ATRNL1: variants seen among roughly 807,000 people sequenced by gnomAD.
The protein encoded by ATRNL1 is attractin-like protein 1.
A neutral mutation model predicts 182.7 loss-of-function variants in ATRNL1; 95 were observed. The observed-to-expected ratio is 0.52, with a 90% CI of 0.44 to 0.62. The LOEUF (loss-of-function observed/expected upper bound fraction) is 0.62, where lower values mean the gene tolerates loss of function less well. ATRNL1 is among the 20% of genes least tolerant of loss of function. ATRNL1 has a pLI of 0.00. For missense variants in ATRNL1, 1,471 were observed against 1,679.5 expected (o/e 0.88, Z 2.17); for synonymous variants, 576 against 568.3 (o/e 1.01, Z -0.19).
intron 26 of ATRNL1, among the ~76,000 whole-genome samples, chr10:115,706,982 T>C (rs1251833407): frequency 6.6e-6 from 1 of 151,902 alleles, no homozygotes; most frequent in East Asian, 1.9e-4. Context: ...TCTTACAAAT[T>C]CTAAATTTAA....
chr10:115,826,087 A>G (rs1201474295), intron 27 of ATRNL1, among the ~76,000 whole-genome samples: 1 of 152,226 alleles, frequency 6.6e-6, no homozygotes, highest in Admixed American at 6.5e-5. Flanking sequence ...ATATACACAT[A>G]TGATAAAAAC....
chr10:115,548,203 C>A (rs576931412), intron 25 of ATRNL1, among the ~76,000 whole-genome samples: 1 of 152,322 alleles, frequency 6.6e-6, no homozygotes, highest in African/African-American at 2.4e-5. Context: ...TGAAGGATTT[C>A]TAAGACTAAA....
At chr10:115,707,215 TTATCG>T (rs1417373001) in intron 26 of ATRNL1, among the ~76,000 whole-genome samples, 9 of 151,954 alleles carry the variant, frequency 5.9e-5, no homozygotes, top group Admixed American at 2.0e-4. Context: ...CATTGCACTC[TTATCG>T]TATCAGTCTA....
chr10:115,210,201 TAATG>T (rs1222113691), intron 8 of ATRNL1, among the ~76,000 whole-genome samples: 4 of 151,988 alleles, frequency 2.6e-5, no homozygotes, highest in Non-Finnish European at 5.9e-5. Flanking sequence ...TTGTAAGAAA[TAATG>T]AAAGTGATTC....
intron 27 of ATRNL1, among the ~76,000 whole-genome samples, chr10:115,746,870 T>A (rs1285827887): frequency 2.0e-5 from 3 of 152,066 alleles, no homozygotes; most frequent in Non-Finnish European, 4.4e-5. Flanking sequence ...CAAACTACAA[T>A]AATTGAGAAA....
In ATRNL1 at chr10:115,487,078, G is replaced by A. The variant is rs111344658; in HGVS notation, c.3654+17749G>A. ...GTGTGGTATTATTTCTGAGTCTTCT[G>A]TTCTGTTCCATTGGTCTATATATCT... On this transcript the variant is annotated intron_variant, in intron 24 of 28. Coordinates refer to ENST00000355044, the MANE Select transcript of ATRNL1 (RefSeq NM_207303.4). Among the ~76,000 whole-genome samples the A allele has an allele frequency of 5.3e-5, 8 of 152,200 alleles. No homozygotes were observed. In the South Asian group the frequency reaches 1.7e-3, roughly 32 times the overall value.
At chr10:115,766,931 A>G (rs1484112665) in intron 27 of ATRNL1, among the ~76,000 whole-genome samples, 2 of 152,148 alleles carry the variant, frequency 1.3e-5, no homozygotes, top group Non-Finnish European at 2.9e-5. Context: ...ATAAACTCTG[A>G]GCTGCAATTT....
At chr10:115,782,722 A>G (rs550166274) in intron 27 of ATRNL1, among the ~76,000 whole-genome samples, 6 of 152,334 alleles carry the variant, frequency 3.9e-5, no homozygotes, top group Admixed American at 1.3e-4. Context: ...CAGATTTTCA[A>G]TCTGTAACTT....
intron 8 of ATRNL1, among the ~76,000 whole-genome samples, chr10:115,195,588 A>C (rs1024219931): frequency 1.3e-5 from 2 of 152,158 alleles, no homozygotes; most frequent in South Asian, 4.1e-4. Context: ...GTAGGTATAT[A>C]CTCAAATAAG....
intron 26 of ATRNL1, among the ~76,000 whole-genome samples, chr10:115,552,798 A>G (rs1554995915): frequency 1.3e-5 from 2 of 151,250 alleles, no homozygotes; most frequent in South Asian, 2.1e-4. Flanking sequence ...ACTAACCCCA[A>G]ACAAATTTCT....
At chr10:115,145,776 C>T (rs1363960518) in intron 5 of ATRNL1, among the ~76,000 whole-genome samples, 1 of 152,118 alleles carries the variant, frequency 6.6e-6, no homozygotes, top group Non-Finnish European at 1.5e-5. Context: ...CTCTTAAAAT[C>T]TTTATTCCCA....
intron 10 of ATRNL1, among the ~76,000 whole-genome samples, chr10:115,253,632 G>T (rs1424257413): frequency 6.6e-6 from 1 of 151,980 alleles, no homozygotes; most frequent in African/African-American, 2.4e-5. Context: ...AAGTTCTAGG[G>T]TACATGCGCA....
intron 25 of ATRNL1, among the ~76,000 whole-genome samples, chr10:115,536,117 G>T (rs1851979335): frequency 6.6e-6 from 1 of 152,032 alleles, no homozygotes; most frequent in South Asian, 2.1e-4. Context: ...CTGCGTGCTG[G>T]GAGAACCACT....
intron 27 of ATRNL1, among the ~76,000 whole-genome samples, chr10:115,821,606 GA>G (rs1378794443): frequency 6.6e-6 from 1 of 151,576 alleles, no homozygotes; most frequent in African/African-American, 2.4e-5. Context: ...TACCAAGTTG[GA>G]AAGCAAAAAA....
intron 19 of ATRNL1, among the ~76,000 whole-genome samples, chr10:115,353,520 C>T (rs1856364343): frequency 6.6e-6 from 1 of 151,928 alleles, no homozygotes; most frequent in Admixed American, 6.6e-5. Context: ...TCCATTCAGC[C>T]ACTCTCTGTC....
chr10:115,772,593 CTGTCTGTGTGTGTG>C (rs1475791745), intron 27 of ATRNL1, among the ~76,000 whole-genome samples: 8 of 125,670 alleles, frequency 6.4e-5, no homozygotes, highest in African/African-American at 1.6e-4. Flanking sequence ...AATATATACT[CTGTCTGTGTGTGTG>C]TGTGTGTGTG....
At chr10:115,623,826 T>C (rs1238153942) in intron 26 of ATRNL1, among the ~76,000 whole-genome samples, 2 of 151,996 alleles carry the variant, frequency 1.3e-5, no homozygotes, top group African/African-American at 4.8e-5. Context: ...TCTTGTAAAA[T>C]AAAAATATAG....
At chr10:115,274,502 T>A (rs1554914286) in intron 13 of ATRNL1, among the ~76,000 whole-genome samples, 1 of 152,166 alleles carries the variant, frequency 6.6e-6, no homozygotes, top group Non-Finnish European at 1.5e-5. Flanking sequence ...GGCCCCTGAA[T>A]TTTAGATGAA....
At chr10:115,876,884 A>G (rs1171945923) in intron 28 of ATRNL1, among the ~76,000 whole-genome samples, 1 of 152,172 alleles carries the variant, frequency 6.6e-6, no homozygotes, top group Non-Finnish European at 1.5e-5. Flanking sequence ...GAAAGGAAAC[A>G]TTTTTTCTGT....
Sources: allele counts gnomAD v4.1 joint callset (sites outside exome capture counted in the v4.1 genomes callset), GRCh38; gene constraint gnomAD v4.1.1; transcripts MANE v1.5; gene names NCBI Gene and HGNC (gene_info 2026-07-23, HGNC 2026-07-21).